Variants in KALRN observed in about 807,000 individuals in gnomAD.
KALRN encodes kalirin RhoGEF kinase, also known as kalirin.
Under a neutral mutation model 353.7 loss-of-function variants are expected in KALRN, and 70 were observed. That is an observed-to-expected ratio of 0.20 (90% CI 0.16 to 0.24). The LOEUF is 0.24. KALRN is among the 10% of genes least tolerant of loss of function. The pLI is 1.00. For synonymous variants in KALRN, 1,391 were observed against 1,434.8 expected (o/e 0.97, Z 0.69); for missense variants, 2,791 against 3,756.7 (o/e 0.74, Z 6.72).
rs578170418 is a variant in KALRN at position 124,097,649 on chromosome 3, T to A, written c.73+63836T>A. The stretch of plus-strand genomic sequence containing the variant: ...ATTAGAACACATCATGGAGCTGAAA[T>A]AAACTTTACAAAGAAATAACAGCGT... On this transcript the variant is annotated intron_variant, in intron 1 of 59. Coordinates refer to ENST00000682506, the MANE Select transcript of KALRN (RefSeq NM_001388419.1). 2.8e-4 allele frequency among the ~76,000 whole-genome samples: 42 copies of A among 152,338 alleles called. 2 individuals carry two copies. In the South Asian group the frequency reaches 8.3e-3, roughly 30 times the overall value.
intron 34 of KALRN, among the ~76,000 whole-genome samples, chr3:124,594,109 C>T (rs2076055361): frequency 6.6e-6 from 1 of 152,220 alleles, no homozygotes; most frequent in African/African-American, 2.4e-5. Flanking sequence ...TACCTAATCA[C>T]TTACTATATT....
chr3:124,324,352 G>A (rs906036392), intron 6 of KALRN, among the ~76,000 whole-genome samples: 2 of 152,328 alleles, frequency 1.3e-5, no homozygotes. Flanking sequence ...ATCAGTGTGT[G>A]CTTTCCCCCT....
rs572176653 is a variant in KALRN, at chr3:124,041,293, G to GC, written c.73+7486dup. 1.6e-4 allele frequency among the ~76,000 whole-genome samples: 24 copies of GC among 152,120 alleles called. No individual in the cohort carries two copies. In the South Asian group the frequency reaches 5.0e-3, roughly 32 times the overall value. ...ACATCTGTGTAAGATGAGGATAATA[G>GC]CCCCCCGCCCCAACCCTTCCCTTAT... is the stretch of plus-strand genomic sequence containing the variant. On this transcript the variant is annotated intron_variant, in intron 1 of 59. Transcript: ENST00000682506.
At chr3:124,369,506 TACA>T (rs1051107915) in intron 10 of KALRN, among the ~76,000 whole-genome samples, 4 of 152,258 alleles carry the variant, frequency 2.6e-5, no homozygotes, top group African/African-American at 9.6e-5. Context: ...ATTTACTATG[TACA>T]ACATGTTGTT....
chr3:124,336,414 G>A (rs545474920), intron 9 of KALRN, among the ~76,000 whole-genome samples: 1 of 152,302 alleles, frequency 6.6e-6, no homozygotes, highest in Non-Finnish European at 1.5e-5. Flanking sequence ...GCACAAAGGA[G>A]AGGCGTTGCT....
rs112105037 is a variant in KALRN at position 124,242,339 on chromosome 3, C to T, written c.263+7396C>T. Among the ~76,000 whole-genome samples, 437 of 152,302 alleles carry T rather than the reference C, an allele frequency of 2.9e-3. 4 individuals are homozygous for T. Among genetic ancestry groups the T allele is most frequent in the African/African-American group, 9.9e-3 (413 of 41,542 alleles). On this transcript the variant is annotated intron_variant, in intron 3 of 59. Transcript: ENST00000682506. ...GGGAATTATCATTATTTCCCTTTTA[C>T]ATATCAGGAAACTGAGACGTAGAGA...
At chr3:124,714,407 A>G (rs1376053544) in intron 58 of KALRN, among the ~76,000 whole-genome samples, 2 of 152,192 alleles carry the variant, frequency 1.3e-5, no homozygotes, top group East Asian at 3.8e-4. Context: ...GAAGGTGCTG[A>G]TATTGGGCTA....
chr3:124,068,628 T>G (rs1203289358), intron 1 of KALRN, among the ~76,000 whole-genome samples: 1 of 152,190 alleles, frequency 6.6e-6, no homozygotes, highest in Non-Finnish European at 1.5e-5. Flanking sequence ...GCCTTCATCA[T>G]AGATGAACAT....
chr3:124,304,024 T>C (rs1026871621), intron 6 of KALRN, among the ~76,000 whole-genome samples: 2 of 152,050 alleles, frequency 1.3e-5, no homozygotes, highest in Non-Finnish European at 2.9e-5. Flanking sequence ...AAGCCCTCTG[T>C]CATCTTTGAT....
chr3:124,103,175 T>C (rs1242573602), intron 1 of KALRN, among the ~76,000 whole-genome samples: 2 of 152,170 alleles, frequency 1.3e-5, no homozygotes, highest in African/African-American at 2.4e-5. Flanking sequence ...GAGCGTATCA[T>C]TGGGATGTCT....
In KALRN at chr3:124,401,204, C is replaced by T. The variant is rs372098532; in HGVS notation, c.2346+2333C>T. Among the ~76,000 whole-genome samples the T allele has an allele frequency of 5.9e-5, 9 of 152,260 alleles. 2 individuals are homozygous for T. The highest frequency in any genetic ancestry group is 1.9e-4 in the East Asian group (1 of 5,184). ...TGGCTTAAAGGTTACGAGAGAGGAA[C>T]TTGACACTTAAATTATGGAGCCAAG... is the stretch of plus-strand genomic sequence containing the variant. On this transcript the variant is annotated intron_variant, in intron 13 of 59. Transcript: ENST00000682506.
intron 24 of KALRN, 134 bp downstream of exon 24, chr3:124,462,090 A>C: frequency 3.0e-6 from 2 of 676,498 alleles, no homozygotes; most frequent in Non-Finnish European, 5.2e-6. Context: ...ACAAGAGGAA[A>C]TCTTTCTCCT....
At chr3:124,397,256 G>C (rs1445629) in intron 12 of KALRN, among the ~76,000 whole-genome samples, 22,878 of 152,160 alleles carry the variant, frequency 0.15, 2,097 homozygotes, top group Admixed American at 0.26. Context: ...CATGCCTGGG[G>C]ATGTCCGTGC....
chr3:124,354,638 A>G (rs2083191603), intron 10 of KALRN, among the ~76,000 whole-genome samples: 1 of 152,226 alleles, frequency 6.6e-6, no homozygotes, highest in Admixed American at 6.5e-5. Flanking sequence ...GTTGCAAACA[A>G]TATTTTTAGG....
intron 3 of KALRN, among the ~76,000 whole-genome samples, chr3:124,242,561 A>G (rs1183797081): frequency 2.0e-5 from 3 of 152,210 alleles, no homozygotes; most frequent in Admixed American, 2.0e-4. Flanking sequence ...TGGATTTGGA[A>G]CAGAGGGACA....
At chr3:124,629,203 C>T (rs1436252124) in intron 34 of KALRN, among the ~76,000 whole-genome samples, 1 of 152,186 alleles carries the variant, frequency 6.6e-6, no homozygotes, top group Non-Finnish European at 1.5e-5. Context: ...ACAGAGACAA[C>T]TCACCTTTGA....
chr3:124,350,679 C>G (rs936318679), intron 10 of KALRN, among the ~76,000 whole-genome samples: 2 of 152,232 alleles, frequency 1.3e-5, no homozygotes, highest in South Asian at 4.1e-4. Context: ...CAACTTTCCT[C>G]TGGCCCTTCC....
At chr3:124,618,084 A>ATTT (rs2078824568) in intron 34 of KALRN, among the ~76,000 whole-genome samples, 1 of 112,508 alleles carries the variant, frequency 8.9e-6, no homozygotes, top group Non-Finnish European at 1.9e-5. Context: ...CAGTGCAGAA[A>ATTT]TCTTTTTTTT....
In KALRN at chr3:124,694,323, T is replaced by C. The variant is rs1452705101; in HGVS notation, c.7406-9T>C. On this transcript the variant is annotated splice_polypyrimidine_tract_variant and intron_variant, in intron 52 of 59. Coordinates refer to ENST00000682506, the MANE Select transcript of KALRN (RefSeq NM_001388419.1). Reference sequence around the variant, plus strand: ...TGAATGATGTTAATGTATGTTGATTTGATCACAGTGGCCCCAGAATTCCTT... The same window carrying C: ...TGAATGATGTTAATGTATGTTGATTCGATCACAGTGGCCCCAGAATTCCTT... 2 of 1,613,118 alleles carry C rather than the reference T, an allele frequency of 1.2e-6. No homozygotes were observed. The highest frequency in any genetic ancestry group is 1.7e-5 in the Admixed American group (1 of 59,960).
Sources: allele counts gnomAD v4.1 joint callset (sites outside exome capture counted in the v4.1 genomes callset), GRCh38; gene constraint gnomAD v4.1.1; transcripts MANE v1.5; gene names NCBI Gene and HGNC (gene_info 2026-07-23, HGNC 2026-07-21).